AXL: variants seen among roughly 807,000 people sequenced by gnomAD.
AXL encodes AXL receptor tyrosine kinase, also known as tyrosine-protein kinase receptor UFO.
In AXL, 52 loss-of-function variants were observed where a neutral mutation model predicts 104.5. The observed-to-expected ratio is 0.50, with a 90% CI of 0.40 to 0.63. The LOEUF (loss-of-function observed/expected upper bound fraction) is 0.63. Ranked by LOEUF, AXL falls within the 20% of genes least tolerant of loss-of-function variation. AXL has a pLI of 0.00. For missense variants in AXL, 1,024 were observed against 1,188.5 expected, an observed-to-expected ratio of 0.86 and a Z score of 2.04; for synonymous variants, 455 against 473.7, an observed-to-expected ratio of 0.96 and a Z score of 0.51.
Position 41,259,699 on chromosome 19 carries a change from G to A in AXL, c.2480G>A (p.Gly827Asp). 1 of 1,614,106 alleles carries A rather than the reference G, an allele frequency of 6.2e-7. No homozygotes were observed. The highest frequency in any genetic ancestry group is 8.5e-7 in the Non-Finnish European group (1 of 1,180,010). Residue 827 changes from glycine to aspartate, a missense_variant, in exon 20 of 20, where the codon GGT becomes GAT. Transcript: ENST00000301178. ...ATCCTCTATGTCAACATGGATGAGG[G>A]TGGAGGTTATCCTGAACCCCCTGGA... ...DEILYVNMDE[G>D]GGYPEPPGAA...
intron 14 of AXL, among the ~76,000 whole-genome samples, chr19:41,249,054 A>C (rs2034317737): frequency 1.3e-5 from 2 of 152,174 alleles, no homozygotes; most frequent in African/African-American, 2.4e-5. Context: ...GAGCAGCAGC[A>C]GGAAGTCACT....
chr19:41,243,632 A>C lies in AXL; in HGVS notation c.1462A>C (p.Thr488Pro), dbSNP rs779247783. Residue 488 changes from threonine (T) to proline (P), a missense_variant, in exon 12 of 20, where the codon ACA becomes CCA. Around this residue, in one of 5 missense-constraint regions of AXL, gnomAD observed 523 missense variants for 636.0 expected, o/e 0.82. Transcript: ENST00000301178. ...ETRYGEVFEPTVERGELVVRY... is the reference protein window; with the variant it reads ...ETRYGEVFEPPVERGELVVRY... ...CCCCCCCAGAGAAGTGTTTGAACCA[A>C]CAGTGGAAAGAGGTGAACTGGTAGT... The C allele has an allele frequency of 1.9e-6, 3 of 1,613,882 alleles. No individual in the cohort carries two copies. The highest frequency in any genetic ancestry group is 2.7e-5 in the African/African-American group (2 of 74,864).
rs2034147988 is a variant in AXL, at chr19:41,239,718, T to A, written c.1310T>A (p.Leu437Gln). ...RPGQAQPVHQ[L>Q]VKEPSTPAFS... ...GGGCAAGCACAGCCAGTCCACCAGC[T>A]GGGTAAGGGCTTCCACACCCCATCT... is the stretch of plus-strand genomic sequence containing the variant. Residue 437 changes from leucine to glutamine, a missense_variant and splice_region_variant, in exon 10 of 20, where the codon CTG becomes CAG. Transcript: ENST00000301178. 2 of 1,614,044 alleles carry A rather than the reference T, an allele frequency of 1.2e-6. No individual in the cohort carries two copies. The highest frequency in any genetic ancestry group is 1.7e-6 in the Non-Finnish European group (2 of 1,180,032).
At chr19:41,231,137 T>G in intron 5 of AXL, 46 bp from the exon 6 acceptor site, 1 of 1,609,428 alleles carries the variant, frequency 6.2e-7, no homozygotes, top group African/African-American at 1.3e-5. Context: ...GGTAGGGAGC[T>G]TTGAGCAAAG....
chr19:41,233,613 G>C (rs1488576379), intron 6 of AXL, among the ~76,000 whole-genome samples: 1 of 150,040 alleles, frequency 6.7e-6, no homozygotes, highest in African/African-American at 2.5e-5. Context: ...TTGGGTGACA[G>C]AGTAAGACTC....
intron 15 of AXL, 100 bp from the exon 16 acceptor site, chr19:41,252,746 T>C (rs540579935): frequency 1.8e-5 from 28 of 1,567,340 alleles, no homozygotes; most frequent in Non-Finnish European, 2.2e-5. Context: ...GGTGGCCAGA[T>C]TGGATGGGTA....
In AXL at chr19:41,260,076, A is replaced by G; in HGVS notation, c.*172A>G. On this transcript the variant is annotated 3_prime_UTR_variant, in exon 20 of 20. Coordinates refer to ENST00000301178, the MANE Select transcript of AXL (RefSeq NM_021913.5). ...TCCCTCCCCTTCTCTGTGCAGTAGCATCACCTTGAAAGCAGTAGCATCACC... is the reference window on the plus strand; with the variant it reads ...TCCCTCCCCTTCTCTGTGCAGTAGCGTCACCTTGAAAGCAGTAGCATCACC... 1.7e-6 allele frequency: 1 copy of G among 584,410 alleles called. No homozygotes were observed. The highest frequency in any genetic ancestry group is 2.9e-6 in the Non-Finnish European group (1 of 339,476). The allele number at this position is 584,410 out of a possible 1,614,324, so 36.2% of individuals were successfully genotyped here.
chr19:41,254,495 G>A (rs2034422838), intron 17 of AXL, among the ~76,000 whole-genome samples: 1 of 151,712 alleles, frequency 6.6e-6, no homozygotes, highest in African/African-American at 2.4e-5. Flanking sequence ...AGACCAGCCT[G>A]GGTAACAACA....
At chr19:41,222,124 A>C in intron 4 of AXL, 68 bp downstream of exon 4, 3 of 1,397,140 alleles carry the variant, frequency 2.1e-6, no homozygotes, top group South Asian at 1.5e-5. Context: ...GAGCAAGGGA[A>C]CATTGCTACC....
rs776214311 is a variant in AXL at position 41,243,606 on chromosome 19, T to TC, written c.1446-3dup. 1.6e-5 allele frequency: 25 copies of TC among 1,606,412 alleles called. No homozygotes were observed. Among genetic ancestry groups the TC allele is most frequent in the African/African-American group, 9.4e-5 (7 of 74,506 alleles). On this transcript the variant is annotated splice_polypyrimidine_tract_variant and intron_variant, in intron 11 of 19. Transcript: ENST00000301178. Reference sequence around the variant, plus strand: ...TTTCCCTGCCCTCACCTACTCCCCCTCCCCCCCAGAGAAGTGTTTGAACCA... The same window carrying TC: ...TTTCCCTGCCCTCACCTACTCCCCCTCCCCCCCCAGAGAAGTGTTTGAACCA...
intron 17 of AXL, 118 bp from the exon 18 acceptor site, chr19:41,256,334 C>T: frequency 8.1e-7 from 1 of 1,231,496 alleles, no homozygotes; most frequent in Non-Finnish European, 1.2e-6. Context: ...GGAGACAGAT[C>T]CCCACCCGCA....
intron 3 of AXL, chr19:41,221,591 G>A (rs2075376580): frequency 3.9e-6 from 2 of 507,666 alleles, no homozygotes; most frequent in Non-Finnish European, 6.9e-6. Flanking sequence ...CACGACCCCA[G>A]CGGTCTCTTT....
chr19:41,230,123 GAC>G (rs1434538874), intron 4 of AXL, among the ~76,000 whole-genome samples: 2 of 149,190 alleles, frequency 1.3e-5, no homozygotes, highest in African/African-American at 2.5e-5. Flanking sequence ...GTGTGTGTGA[GAC>G]ACAGTGTGTG....
At chr19:41,248,863 A>G (rs1283634858) in intron 14 of AXL, 43 bp downstream of exon 14, 5 of 1,545,016 alleles carry the variant, frequency 3.2e-6, no homozygotes, top group East Asian at 4.5e-5. Context: ...CTCCTTCCCT[A>G]TGCCCCTGAG....
intron 11 of AXL, 86 bp from the exon 12 acceptor site, chr19:41,243,530 C>A: frequency 9.5e-7 from 1 of 1,053,782 alleles, no homozygotes; most frequent in South Asian, 1.3e-5. Flanking sequence ...GGGCTTGAGG[C>A]TGAGATGGTG....
intron 10 of AXL, among the ~76,000 whole-genome samples, chr19:41,241,576 A>AAAG (rs1568414167): frequency 1.3e-5 from 2 of 151,308 alleles, no homozygotes; most frequent in South Asian, 2.1e-4. Flanking sequence ...AAGAAAGAAA[A>AAAG]AAAGAAAGAA....
rs1366822819 is a variant in AXL, at chr19:41,260,496, G to C, written c.*592G>C. On this transcript the variant is annotated 3_prime_UTR_variant, in exon 20 of 20. Coordinates refer to ENST00000301178, the MANE Select transcript of AXL (RefSeq NM_021913.5). Reference sequence around the variant, plus strand: ...CCGGCTAATTTTTATATTTTTAGTAGAGACAGGGTTTCACCATGTTGGCCA... The same window carrying C: ...CCGGCTAATTTTTATATTTTTAGTACAGACAGGGTTTCACCATGTTGGCCA... The C allele has an allele frequency of 1.3e-5, 2 of 152,332 alleles. No homozygotes were observed. Among genetic ancestry groups the C allele is most frequent in the East Asian group, 3.8e-4 (2 of 5,300 alleles). The allele number at this position is 152,332 out of a possible 1,614,324, so 9.4% of individuals were successfully genotyped here.
At chr19:41,234,990 T>C (rs4802113) in intron 6 of AXL, among the ~76,000 whole-genome samples, 77,480 of 151,972 alleles carry the variant, frequency 0.51, 20,734 homozygotes, top group African/African-American at 0.67. Context: ...ATTCCTCGGG[T>C]GGAATAGGTA....
intron 3 of AXL, chr19:41,221,645 C>A: frequency 1.8e-6 from 1 of 551,882 alleles, no homozygotes; most frequent in Non-Finnish European, 3.2e-6. Context: ...GTCAGACATT[C>A]TGGAAGAGAG....
Sources: allele counts gnomAD v4.1 joint callset (sites outside exome capture counted in the v4.1 genomes callset), GRCh38; gene constraint gnomAD v4.1.1; regional missense constraint gnomAD v4.1.1; transcripts MANE v1.5; gene names NCBI Gene and HGNC (gene_info 2026-07-23, HGNC 2026-07-21).